PAAF1: variants seen among roughly 807,000 people sequenced by gnomAD.
PAAF1 encodes proteasomal ATPase associated factor 1.
A neutral mutation model predicts 52.8 loss-of-function variants in PAAF1; 46 were observed. The ratio of observed to expected loss-of-function variants is 0.87; its 90% confidence interval spans 0.69 to 1.11. The LOEUF (loss-of-function observed/expected upper bound fraction) is 1.11. PAAF1 is among the 50% of genes most tolerant of loss of function. The pLI is 0.00. For missense variants in PAAF1, 424 were observed against 477.4 expected (o/e 0.89, Z 1.04); for synonymous variants, 178 against 172.8 (o/e 1.03, Z -0.24).
Position 73,924,655 on chromosome 11 carries a change from T to C in PAAF1, c.1059T>C (p.Tyr353=), listed in dbSNP as rs760377649. The C allele has an allele frequency of 5.8e-5, 94 of 1,613,966 alleles. No individual in the cohort carries two copies. The South Asian group carries it at 9.7e-4, about 17-fold the overall frequency. ...TTATTGTCCAGCAAGACTTAGACTA[T>C]GTCACTGAGCTCACTGGGGCTGACT... ...SCFIVQQDLD[Y]VTELTGADCD... The change falls in exon 11 of 12, where the codon TAT becomes TAC. Residue 353 remains tyrosine, a synonymous_variant. Transcript: ENST00000310571.
chr11:73,924,552 T>G, intron 10 of PAAF1, 63 bp from the exon 11 acceptor site: 1 of 1,353,716 alleles, frequency 7.4e-7, no homozygotes, highest in Admixed American at 1.7e-5. Context: ...ATAAAAATAC[T>G]GAGTTTTTAA....
intron 4 of PAAF1, among the ~76,000 whole-genome samples, chr11:73,896,515 GC>G (rs1423331589): frequency 6.6e-5 from 10 of 150,730 alleles, no homozygotes; most frequent in Admixed American, 2.0e-4. Context: ...GGAGCATGCT[GC>G]CTTCAAGCAT....
chr11:73,914,331 A>G, intron 7 of PAAF1, 82 bp from the exon 8 acceptor site: 1 of 1,130,016 alleles, frequency 8.8e-7, no homozygotes, highest in Non-Finnish European at 1.3e-6. Context: ...AAAATCAGTA[A>G]TCAACCATCA....
chr11:73,919,777 T>C (rs971935325), intron 10 of PAAF1, among the ~76,000 whole-genome samples: 1 of 152,222 alleles, frequency 6.6e-6, no homozygotes, highest in African/African-American at 2.4e-5. Context: ...CTATACAGCC[T>C]GGAGGGACTA....
At chr11:73,885,720 T>G (rs1158947320) in intron 2 of PAAF1, among the ~76,000 whole-genome samples, 1 of 151,712 alleles carries the variant, frequency 6.6e-6, no homozygotes, top group Non-Finnish European at 1.5e-5. Context: ...CACGTGCCTT[T>G]AATCCCAGGT....
chr11:73,924,991 A>G lies in PAAF1; in HGVS notation c.1101+294A>G, dbSNP rs146975513. On this transcript the variant is annotated intron_variant, in intron 11 of 11. Transcript: ENST00000310571. The stretch of plus-strand genomic sequence containing the variant: ...AGCATGGTGAAACCCCGTCTCTACT[A>G]AAAATACAAAAAAATTAGCTGGGCG... 4.4e-3 allele frequency among the ~76,000 whole-genome samples: 663 copies of G among 151,918 alleles called. 7 individuals are homozygous for G. The highest frequency in any genetic ancestry group is 0.015 in the African/African-American group (623 of 41,410).
chr11:73,892,377 T>G (rs187645575), intron 4 of PAAF1, among the ~76,000 whole-genome samples: 26 of 151,830 alleles, frequency 1.7e-4, no homozygotes, highest in African/African-American at 6.3e-4. Flanking sequence ...TCACCCTTAT[T>G]ACAAAACAGA....
intron 8 of PAAF1, 51 bp downstream of exon 8, chr11:73,914,555 T>G: frequency 1.3e-6 from 2 of 1,498,936 alleles, no homozygotes; most frequent in Admixed American, 3.4e-5. Context: ...TGGGTCACTC[T>G]GTGTCTTAGA....
At chr11:73,895,557 A>T (rs948365624) in intron 4 of PAAF1, among the ~76,000 whole-genome samples, 1 of 152,220 alleles carries the variant, frequency 6.6e-6, no homozygotes, top group Non-Finnish European at 1.5e-5. Flanking sequence ...AAACTTATTT[A>T]TTATGGTTTA....
At chr11:73,879,827 C>G (rs536906650) in intron 2 of PAAF1, 5 of 151,018 alleles carry the variant, frequency 3.3e-5, no homozygotes, top group Admixed American at 6.6e-5. Context: ...GAGTTATGAT[C>G]GAACCATTGC....
chr11:73,925,138 CAG>C, intron 11 of PAAF1, among the ~76,000 whole-genome samples: 1 of 133,160 alleles, frequency 7.5e-6, no homozygotes, highest in Non-Finnish European at 1.5e-5. Context: ...GCCTGGGCAA[CAG>C]AGTGAGACTC....
intron 11 of PAAF1, among the ~76,000 whole-genome samples, chr11:73,925,269 C>T (rs904070140): frequency 1.3e-5 from 2 of 151,290 alleles, no homozygotes; most frequent in Non-Finnish European, 2.9e-5. Flanking sequence ...CCAGCCTAGG[C>T]AATAAGATGA....
intron 1 of PAAF1, among the ~76,000 whole-genome samples, chr11:73,877,729 T>A (rs1488745579): frequency 2.0e-5 from 3 of 152,026 alleles, no homozygotes; most frequent in Non-Finnish European, 2.9e-5. Context: ...CTACTAAAAA[T>A]ACAGAAATTA....
At chr11:73,878,691 G>C in intron 1 of PAAF1, 88 bp from the exon 2 acceptor site, 1 of 1,188,482 alleles carries the variant, frequency 8.4e-7, no homozygotes, top group Non-Finnish European at 1.2e-6. Flanking sequence ...CCAAGCTGGA[G>C]GTTACATGAC....
chr11:73,919,282 C>T (rs1171684768), intron 10 of PAAF1, among the ~76,000 whole-genome samples: 1 of 152,206 alleles, frequency 6.6e-6, no homozygotes, highest in Non-Finnish European at 1.5e-5. Context: ...ATGCCCACCA[C>T]TCTTCTGCCT....
intron 10 of PAAF1, among the ~76,000 whole-genome samples, chr11:73,923,974 A>G (rs948388247): frequency 6.6e-6 from 1 of 151,310 alleles, no homozygotes; most frequent in Admixed American, 6.6e-5. Context: ...GACATTCCCT[A>G]TTAAATATAA....
At chr11:73,892,559 C>T (rs1319258208) in intron 4 of PAAF1, among the ~76,000 whole-genome samples, 1 of 152,270 alleles carries the variant, frequency 6.6e-6, no homozygotes, top group African/African-American at 2.4e-5. Flanking sequence ...ACTGTGGCAA[C>T]TCTACATATC....
chr11:73,881,366 A>C (rs887890618), intron 2 of PAAF1, among the ~76,000 whole-genome samples: 2 of 152,216 alleles, frequency 1.3e-5, no homozygotes, highest in African/African-American at 4.8e-5. Context: ...AGCTCACTGC[A>C]ACCTCCAGTC....
At chr11:73,919,138 A>G in intron 10 of PAAF1, 106 bp downstream of exon 10, 3 of 905,500 alleles carry the variant, frequency 3.3e-6, no homozygotes, top group Non-Finnish European at 5.2e-6. Context: ...GTCCCCCATG[A>G]TTCTTTGGCA....
Sources: gnomAD v4.1 joint callset for allele counts (sites outside exome capture counted in the v4.1 genomes callset) on GRCh38, gnomAD v4.1.1 for gene constraint, MANE v1.5 for transcripts, NCBI Gene and HGNC (gene_info 2026-07-23, HGNC 2026-07-21) for gene names.